The following TENM3 variants were observed in gnomAD, a reference collection of about 807,000 sequenced individuals.
The protein encoded by TENM3 is teneurin transmembrane protein 3.
Under a neutral mutation model 255.1 loss-of-function variants are expected in TENM3, and 63 were observed. The observed-to-expected ratio is 0.25, with a 90% confidence interval of 0.20 to 0.30. The LOEUF is 0.30. Ranked by LOEUF, TENM3 falls within the 10% of genes least tolerant of loss-of-function variation. TENM3 has a pLI of 1.00. For synonymous variants in TENM3, 1,306 were observed against 1,322.3 expected, an observed-to-expected ratio of 0.99 and a Z score of 0.27; for missense variants, 2,929 against 3,461.1, an observed-to-expected ratio of 0.85 and a Z score of 3.86.
chr4:181,784,006 G>T, the TENM3 span, among the ~76,000 whole-genome samples: 1 of 152,140 alleles, frequency 6.6e-6, no homozygotes, highest in Non-Finnish European at 1.5e-5. Flanking sequence ...ATTTTCTGAA[G>T]GGTGATTTTA....
intron 1 of TENM3, among the ~76,000 whole-genome samples, chr4:182,277,561 T>C (rs2150250127): frequency 6.6e-6 from 1 of 152,328 alleles, no homozygotes; most frequent in South Asian, 2.1e-4. Flanking sequence ...TTTATTTTTA[T>C]AGCTACTCTT....
chr4:181,890,610 C>T, the TENM3 span, among the ~76,000 whole-genome samples: 2 of 151,994 alleles, frequency 1.3e-5, no homozygotes, highest in African/African-American at 4.8e-5. Context: ...GCAATTTATT[C>T]TAACGTGTTA....
At chr4:181,660,641 C>T in the TENM3 span, among the ~76,000 whole-genome samples, 2 of 152,086 alleles carry the variant, frequency 1.3e-5, no homozygotes, top group African/African-American at 4.8e-5. Flanking sequence ...GGAACTTATT[C>T]CGGCTTGCAA....
chr4:181,777,019 G>GGAGT, the TENM3 span, among the ~76,000 whole-genome samples: 204 of 152,036 alleles, frequency 1.3e-3, 2 homozygotes, highest in African/African-American at 4.7e-3. Context: ...CCGATATCCA[G>GGAGT]GAGTGTTTAC....
chr4:182,677,952 T>C (rs1418173434), intron 7 of TENM3, among the ~76,000 whole-genome samples: 1 of 152,110 alleles, frequency 6.6e-6, no homozygotes, highest in East Asian at 1.9e-4. Context: ...ATAATCTTTT[T>C]CTTAAATAGG....
At chr4:182,191,563 ATTT>A (rs1002575225) in intron 1 of TENM3, among the ~76,000 whole-genome samples, 2 of 151,574 alleles carry the variant, frequency 1.3e-5, no homozygotes, top group Non-Finnish European at 2.9e-5. Context: ...TTTATCTAGA[ATTT>A]TTTTTTGATT....
intron 26 of TENM3, among the ~76,000 whole-genome samples, chr4:182,795,525 T>C (rs944780137): frequency 9.2e-5 from 14 of 152,310 alleles, no homozygotes; most frequent in Admixed American, 5.2e-4. Context: ...AGAATACCAC[T>C]GGTTTTATAG....
the TENM3 span, among the ~76,000 whole-genome samples, chr4:181,487,026 T>TAAAATCAC: frequency 6.6e-6 from 1 of 152,208 alleles, no homozygotes; most frequent in African/African-American, 2.4e-5. Flanking sequence ...CATAATTGTT[T>TAAAATCAC]AAAATCACAA....
chr4:181,483,525 A>T, the TENM3 span, among the ~76,000 whole-genome samples: 2 of 152,294 alleles, frequency 1.3e-5, 1 homozygote, highest in South Asian at 4.1e-4. Context: ...TGAAAACAAA[A>T]GATATGTAAT....
the TENM3 span, among the ~76,000 whole-genome samples, chr4:181,561,638 G>A: frequency 6.6e-6 from 1 of 152,198 alleles, no homozygotes; most frequent in Non-Finnish European, 1.5e-5. Flanking sequence ...TGAACAACAT[G>A]ATTTTTACAT....
the TENM3 span, among the ~76,000 whole-genome samples, chr4:181,797,475 C>T: frequency 4.4e-3 from 673 of 152,190 alleles, 4 homozygotes; most frequent in African/African-American, 0.015. Context: ...TAGGCTCTAT[C>T]GGTATAACGA....
At chr4:181,834,228 CT>C in the TENM3 span, among the ~76,000 whole-genome samples, 2 of 151,874 alleles carry the variant, frequency 1.3e-5, no homozygotes, top group Non-Finnish European at 2.9e-5. Context: ...TGAATGAAAC[CT>C]TTTATTCTCC....
intron 24 of TENM3, among the ~76,000 whole-genome samples, chr4:182,787,168 C>T (rs928792398): frequency 2.0e-5 from 3 of 152,204 alleles, no homozygotes; most frequent in South Asian, 4.1e-4. Flanking sequence ...CAGACAGTTC[C>T]GCATGGAAGC....
intron 1 of TENM3, among the ~76,000 whole-genome samples, chr4:182,283,567 A>G (rs940558290): frequency 1.3e-5 from 2 of 152,240 alleles, no homozygotes; most frequent in Non-Finnish European, 2.9e-5. Context: ...TTGGCTCCCA[A>G]GATGGAGTGG....
chr4:181,577,187 A>ATT, the TENM3 span, among the ~76,000 whole-genome samples: 3 of 127,006 alleles, frequency 2.4e-5, no homozygotes, highest in East Asian at 6.4e-4. Flanking sequence ...TATATTATAT[A>ATT]TTATATATAT....
chr4:182,624,217 GA>G (rs1378333098), intron 4 of TENM3, among the ~76,000 whole-genome samples: 1 of 152,134 alleles, frequency 6.6e-6, no homozygotes, highest in Non-Finnish European at 1.5e-5. Context: ...AGTCTAAGGG[GA>G]ATCTTTGTTT....
Position 182,775,242 on chromosome 4 carries a change from C to A in TENM3, c.5304+89C>A, listed in dbSNP as rs529090067. On this transcript the variant is annotated intron_variant, in intron 24 of 27. Coordinates refer to ENST00000511685, the MANE Select transcript of TENM3 (RefSeq NM_001080477.4). ...GGCAGGTTGCGTCTCCTGCTCACCC[C>A]CCTATGTCTACACTGAGTATGAGCA... 297 of 1,140,568 alleles carry A rather than the reference C, an allele frequency of 2.6e-4. No individual in the cohort carries two copies. In the African/African-American group the frequency reaches 4.2e-3, roughly 16 times the overall value. The allele number at this position is 1,140,568 out of a possible 1,614,324, so 70.7% of individuals were successfully genotyped here. A position where few individuals can be genotyped will look rare whatever the true frequency, so the allele number is the denominator to read the frequency against.
chr4:181,818,589 T>C, the TENM3 span, among the ~76,000 whole-genome samples: 4 of 151,294 alleles, frequency 2.6e-5, no homozygotes, highest in Non-Finnish European at 5.9e-5. Context: ...ATGTGTGCCA[T>C]AGTGCATGGT....
intron 13 of TENM3, among the ~76,000 whole-genome samples, chr4:182,719,114 G>A (rs1759443751): frequency 6.6e-6 from 1 of 152,010 alleles, no homozygotes; most frequent in Non-Finnish European, 1.5e-5. Context: ...GCCCTGTCCT[G>A]GAGACTGGCT....
Sources: gnomAD v4.1 joint callset for allele counts (sites outside exome capture counted in the v4.1 genomes callset) on GRCh38, gnomAD v4.1.1 for gene constraint, MANE v1.5 for transcripts, NCBI Gene and HGNC (gene_info 2026-07-23, HGNC 2026-07-21) for gene names.